The following JAZF1 variants were observed in gnomAD, a reference collection of about 807,000 sequenced individuals.
JAZF1 encodes JAZF zinc finger 1.
A neutral mutation model predicts 26.4 loss-of-function variants in JAZF1; 8 were observed. The ratio of observed to expected loss-of-function variants is 0.30; its 90% CI spans 0.18 to 0.55. The LOEUF is 0.55. Among genes scored for constraint, JAZF1 ranks in the 20% least tolerant of loss-of-function variants. The pLI is 0.94. For missense variants in JAZF1, 199 were observed against 322.0 expected (o/e 0.62, Z 2.92); for synonymous variants, 126 against 122.3 (o/e 1.03, Z -0.20).
intron 2 of JAZF1, among the ~76,000 whole-genome samples, chr7:27,970,537 A>G (rs1284928257): frequency 6.6e-6 from 1 of 152,232 alleles, no homozygotes; most frequent in African/African-American, 2.4e-5. Flanking sequence ...AATTATGAGT[A>G]TATGGAATGA....
At chr7:28,023,974 G>T (rs894370297) in intron 1 of JAZF1, among the ~76,000 whole-genome samples, 2 of 152,110 alleles carry the variant, frequency 1.3e-5, no homozygotes, top group Non-Finnish European at 2.9e-5. Flanking sequence ...AGAGCAGAAA[G>T]TCAGGAGCGG....
intron 2 of JAZF1, among the ~76,000 whole-genome samples, chr7:27,940,272 A>AG (rs1234506862): frequency 7.3e-6 from 1 of 136,762 alleles, no homozygotes; most frequent in Admixed American, 7.5e-5. Flanking sequence ...TATCTTTCAC[A>AG]GGGCCGGGTC....
At chr7:28,058,934 T>G (rs1295645842) in intron 1 of JAZF1, among the ~76,000 whole-genome samples, 1 of 152,178 alleles carries the variant, frequency 6.6e-6, no homozygotes, top group Non-Finnish European at 1.5e-5. Flanking sequence ...AGCGTAACAC[T>G]AACTGTGTTA....
At chr7:27,894,239 C>A (rs1042414799) in intron 3 of JAZF1, among the ~76,000 whole-genome samples, 4 of 152,114 alleles carry the variant, frequency 2.6e-5, no homozygotes, top group African/African-American at 9.7e-5. Context: ...TGCCATTTCG[C>A]CCAGGCTGGT....
At chr7:27,906,590 A>G (rs1784262436) in intron 2 of JAZF1, among the ~76,000 whole-genome samples, 1 of 152,370 alleles carries the variant, frequency 6.6e-6, no homozygotes, top group South Asian at 2.1e-4. Flanking sequence ...GTCACAGGTC[A>G]GCATAAATTA....
At chr7:27,977,807 T>C (rs12537684) in intron 2 of JAZF1, among the ~76,000 whole-genome samples, 39,005 of 152,144 alleles carry the variant, frequency 0.26, 5,363 homozygotes, top group East Asian at 0.49. Context: ...AGCTGCTGTG[T>C]TCTGCCTGGA....
At chr7:27,963,478 G>A (rs1041799699) in intron 2 of JAZF1, among the ~76,000 whole-genome samples, 1 of 151,976 alleles carries the variant, frequency 6.6e-6, no homozygotes. Context: ...GTCAATCCTG[G>A]GGTCTTGCAC....
intron 3 of JAZF1, among the ~76,000 whole-genome samples, chr7:27,888,258 G>A (rs1001058345): frequency 6.6e-6 from 1 of 152,150 alleles, no homozygotes; most frequent in Non-Finnish European, 1.5e-5. Context: ...ATTCAGTCAG[G>A]CTGAAGAATT....
intron 3 of JAZF1, among the ~76,000 whole-genome samples, chr7:27,869,391 G>A (rs1260952678): frequency 1.3e-5 from 2 of 152,164 alleles, no homozygotes; most frequent in African/African-American, 4.8e-5. Context: ...TGGCCAGTTT[G>A]GATAGTAGTT....
At chr7:28,098,515 C>T (rs1784419995) in intron 1 of JAZF1, among the ~76,000 whole-genome samples, 1 of 152,052 alleles carries the variant, frequency 6.6e-6, no homozygotes, top group Non-Finnish European at 1.5e-5. Context: ...CATTACTAAA[C>T]AAATAGCACT....
chr7:27,994,743 A>C (rs1053893171), intron 1 of JAZF1, among the ~76,000 whole-genome samples: 2 of 152,216 alleles, frequency 1.3e-5, no homozygotes, highest in African/African-American at 4.8e-5. Flanking sequence ...GCTGGTCACA[A>C]ATAAATGTTG....
At chr7:27,857,327 G>A (rs554180418) in intron 3 of JAZF1, among the ~76,000 whole-genome samples, 4 of 152,316 alleles carry the variant, frequency 2.6e-5, no homozygotes, top group African/African-American at 7.2e-5. Context: ...CCGAGCCCAC[G>A]CCCACCCGGA....
At chr7:27,839,109 G>A (rs982684915) in intron 4 of JAZF1, among the ~76,000 whole-genome samples, 10 of 152,356 alleles carry the variant, frequency 6.6e-5, no homozygotes, top group Admixed American at 3.3e-4. Context: ...GGAGCTGGAG[G>A]TGGGAGAGAG....
intron 2 of JAZF1, among the ~76,000 whole-genome samples, chr7:27,960,831 GA>G (rs1283527790): frequency 6.6e-6 from 1 of 152,184 alleles, no homozygotes; most frequent in Non-Finnish European, 1.5e-5. Context: ...CGCAGACAAG[GA>G]AGGAATGGCA....
intron 2 of JAZF1, among the ~76,000 whole-genome samples, chr7:27,907,583 G>A (rs975439518): frequency 1.3e-5 from 2 of 152,266 alleles, no homozygotes; most frequent in Non-Finnish European, 1.5e-5. Flanking sequence ...CTGACAAGGT[G>A]GGGTGGGTGA....
chr7:28,051,280 C>T (rs1261138722), intron 1 of JAZF1, among the ~76,000 whole-genome samples: 1 of 151,382 alleles, frequency 6.6e-6, no homozygotes, highest in Admixed American at 6.6e-5. Flanking sequence ...GGGTGGAGTG[C>T]AGTGGTGTGA....
intron 1 of JAZF1, among the ~76,000 whole-genome samples, chr7:28,098,235 G>A (rs181159990): frequency 1.3e-5 from 2 of 152,166 alleles, no homozygotes; most frequent in Admixed American, 6.5e-5. Flanking sequence ...ATATGTGGAC[G>A]TAGCGAGAAG....
intron 2 of JAZF1, among the ~76,000 whole-genome samples, chr7:27,986,735 C>A (rs1454353362): frequency 1.3e-5 from 2 of 150,664 alleles, no homozygotes; most frequent in Non-Finnish European, 2.9e-5. Context: ...GCTGCCATCT[C>A]GGCTCACTGC....
intron 1 of JAZF1, among the ~76,000 whole-genome samples, chr7:28,002,231 T>C (rs1782612276): frequency 6.6e-6 from 1 of 152,210 alleles, no homozygotes; most frequent in African/African-American, 2.4e-5. Flanking sequence ...CTAGGCCCAG[T>C]GGAATTCCAG....
Sources: gnomAD v4.1 joint callset for allele counts (sites outside exome capture counted in the v4.1 genomes callset) on GRCh38, gnomAD v4.1.1 for gene constraint, MANE v1.5 for transcripts, NCBI Gene and HGNC (gene_info 2026-07-23, HGNC 2026-07-21) for gene names.